Variants in TET1 observed in about 807,000 individuals in gnomAD.
TET1 encodes the protein tet methylcytosine dioxygenase 1.
A neutral mutation model predicts 148.7 loss-of-function variants in TET1; 13 were observed. The ratio of observed to expected loss-of-function variants is 0.09; its 90% CI spans 0.06 to 0.14. The LOEUF (loss-of-function observed/expected upper bound fraction) is 0.14. Ranked by LOEUF, TET1 falls within the 10% of genes least tolerant of loss-of-function variation. TET1 has a pLI of 1.00. For synonymous variants in TET1, 907 were observed against 937.2 expected, an observed-to-expected ratio of 0.97 and a Z score of 0.59; for missense variants, 2,182 against 2,553.8, an observed-to-expected ratio of 0.85 and a Z score of 3.14.
intron 6 of TET1, among the ~76,000 whole-genome samples, chr10:68,661,040 T>G (rs1226571545): frequency 2.7e-5 from 4 of 148,898 alleles, no homozygotes; most frequent in Admixed American, 2.7e-4. Flanking sequence ...TTTGTTTTTG[T>G]TTTTTTTGAG....
intron 3 of TET1, among the ~76,000 whole-genome samples, chr10:68,615,975 T>C (rs2054284698): frequency 6.6e-6 from 1 of 152,220 alleles, no homozygotes; most frequent in African/African-American, 2.4e-5. Context: ...AACTCCTTAC[T>C]AGAGTATTTC....
At chr10:68,669,474 C>CTTTTTTTTTTTTTTTTTTTTTT (rs3085667) in intron 7 of TET1, among the ~76,000 whole-genome samples, 10 of 61,608 alleles carry the variant, frequency 1.6e-4, no homozygotes, top group East Asian at 7.4e-4. Context: ...CCATGCCCAG[C>CTTTTTTTTTTTTTTTTTTTTTT]TTTTTTTTTT....
At chr10:68,619,906 A>G (rs777934236) in intron 3 of TET1, among the ~76,000 whole-genome samples, 3 of 152,282 alleles carry the variant, frequency 2.0e-5, no homozygotes, top group Middle Eastern at 3.4e-3. Flanking sequence ...AAAGTGTACA[A>G]TTCAGGCTGG....
chr10:68,661,328 A>G (rs1000305824), intron 6 of TET1, among the ~76,000 whole-genome samples: 1 of 150,654 alleles, frequency 6.6e-6, no homozygotes, highest in Admixed American at 6.7e-5. Flanking sequence ...GATTACAGGC[A>G]TGAGCCACTG....
At chr10:68,671,219 G>A (rs1182868178) in intron 7 of TET1, among the ~76,000 whole-genome samples, 1 of 151,974 alleles carries the variant, frequency 6.6e-6, no homozygotes, top group Non-Finnish European at 1.5e-5. Context: ...CCTCAAGTAG[G>A]CCCCAGTGTC....
chr10:68,610,918 G>T (rs1276965331), intron 3 of TET1, among the ~76,000 whole-genome samples: 1 of 152,140 alleles, frequency 6.6e-6, no homozygotes, highest in Non-Finnish European at 1.5e-5. Context: ...AGCACTACAG[G>T]CATGAGCTAC....
chr10:68,633,039 C>G (rs2054599887), intron 3 of TET1, among the ~76,000 whole-genome samples: 1 of 151,898 alleles, frequency 6.6e-6, no homozygotes, highest in East Asian at 1.9e-4. Flanking sequence ...CAAAAATTAG[C>G]TGGGCGTGGT....
In TET1 at chr10:68,573,287, C is replaced by G. The variant is rs770503544; in HGVS notation, c.949C>G (p.Leu317Val). 16 of 1,613,892 alleles carry G rather than the reference C, an allele frequency of 9.9e-6. No individual in the cohort carries two copies. Among genetic ancestry groups the G allele is most frequent in the Non-Finnish European group, 1.4e-5 (16 of 1,180,010 alleles). ...PDLNLRNCLA[L>V]GGSTSPTSVI... is the part of the protein sequence containing the mutation. Reference sequence around the variant, plus strand: ...CTTGAACCTTAGAAACTGCTTGGCTCTTGGTGGGTCTACGTCTCCTACCTC... The same window carrying G: ...CTTGAACCTTAGAAACTGCTTGGCTGTTGGTGGGTCTACGTCTCCTACCTC... The change falls in exon 2 of 12, where the codon CTT becomes GTT. Residue 317 changes from leucine to valine, a missense_variant. By Grantham distance (32) the Leu-to-Val change is conservative (BLOSUM62 1). This residue lies in a region of TET1 where 665 missense variants were observed against 672.4 expected (regional missense o/e 0.99). Transcript: ENST00000373644.
intron 3 of TET1, among the ~76,000 whole-genome samples, chr10:68,641,922 C>T (rs1197881858): frequency 1.3e-5 from 2 of 152,132 alleles, no homozygotes; most frequent in African/African-American, 4.8e-5. Flanking sequence ...CTTCAGCCTC[C>T]CCAGTAGGTA....
At chr10:68,564,095 G>T (rs1394730033) in intron 1 of TET1, among the ~76,000 whole-genome samples, 2 of 151,528 alleles carry the variant, frequency 1.3e-5, no homozygotes, top group Admixed American at 1.3e-4. Context: ...ATTTTGGATT[G>T]CATACTCTGT....
chr10:68,619,282 A>G (rs758607834), intron 3 of TET1, among the ~76,000 whole-genome samples: 80 of 152,158 alleles, frequency 5.3e-4, no homozygotes, highest in Non-Finnish European at 1.0e-3. Context: ...GCTGGTGTGC[A>G]GTGGTAGAAG....
At chr10:68,649,326 G>A (rs900650814) in intron 4 of TET1, among the ~76,000 whole-genome samples, 2 of 151,918 alleles carry the variant, frequency 1.3e-5, no homozygotes, top group Admixed American at 6.6e-5. Context: ...AACACTTTTC[G>A]GCTGGGTGCA....
At chr10:68,642,738 G>A (rs10998359) in intron 3 of TET1, among the ~76,000 whole-genome samples, 1,556 of 152,148 alleles carry the variant, frequency 0.01, 28 homozygotes, top group African/African-American at 0.035. Flanking sequence ...CTGAGTAGCT[G>A]GGATTACAGG....
At chr10:68,674,608 G>T in intron 8 of TET1, 1 of 504,810 alleles carries the variant, frequency 2.0e-6, no homozygotes, top group South Asian at 1.7e-5. Context: ...ATTGCCTGAT[G>T]AGCTTCCATG....
At chr10:68,673,478 C>G in intron 8 of TET1, 1 of 377,958 alleles carries the variant, frequency 2.6e-6, no homozygotes, top group Non-Finnish European at 5.4e-6. Context: ...GTCCGGGACA[C>G]GAGGCCATGG....
At chr10:68,562,834 C>G (rs917004348) in intron 1 of TET1, among the ~76,000 whole-genome samples, 1 of 152,126 alleles carries the variant, frequency 6.6e-6, no homozygotes, top group East Asian at 1.9e-4. Flanking sequence ...CTTGATTTCC[C>G]CTATCCCCTT....
intron 3 of TET1, among the ~76,000 whole-genome samples, chr10:68,628,190 G>A (rs549882428): frequency 1.3e-5 from 2 of 152,126 alleles, no homozygotes; most frequent in African/African-American, 2.4e-5. Context: ...TAGGTGATCC[G>A]CCCGCCTTGG....
rs117395637 is a variant in TET1, at chr10:68,567,337, C to A, written c.-122-4880C>A. ...CTAGACATGAAACTAAACAGTGGGTCCTAGGATTACCTAGGTCAGTCAGTA... is the reference window on the plus strand; with the variant it reads ...CTAGACATGAAACTAAACAGTGGGTACTAGGATTACCTAGGTCAGTCAGTA... On this transcript the variant is annotated intron_variant, in intron 1 of 11. Coordinates refer to ENST00000373644, the MANE Select transcript of TET1 (RefSeq NM_030625.3). Among the ~76,000 whole-genome samples the A allele has an allele frequency of 5.9e-3, 903 of 151,802 alleles. 6 individuals are homozygous for A. The highest frequency in any genetic ancestry group is 9.8e-3 in the Non-Finnish European group (667 of 67,884).
At chr10:68,581,333 G>A (rs1267928895) in intron 2 of TET1, among the ~76,000 whole-genome samples, 5 of 152,188 alleles carry the variant, frequency 3.3e-5, no homozygotes, top group East Asian at 3.9e-4. Flanking sequence ...ATTTGCTTTC[G>A]GTTAGGGTTT....
Sources: gnomAD v4.1 joint callset for allele counts (sites outside exome capture counted in the v4.1 genomes callset) on GRCh38, gnomAD v4.1.1 for gene constraint, gnomAD v4.1.1 regional missense constraint, MANE v1.5 for transcripts, NCBI Gene and HGNC (gene_info 2026-07-23, HGNC 2026-07-21) for gene names.